ANK2: variants seen among roughly 807,000 people sequenced by gnomAD.
ANK2 encodes the protein ankyrin 2.
In ANK2, 83 loss-of-function variants were observed where a neutral mutation model predicts 360.5. That is an observed-to-expected ratio of 0.23 (90% CI 0.19 to 0.28). ANK2 has a LOEUF of 0.28. Ranked by LOEUF, ANK2 falls within the 10% of genes least tolerant of loss-of-function variation. The pLI is 1.00. For missense variants in ANK2, 4,201 were observed against 4,795.7 expected (o/e 0.88, Z 3.66); for synonymous variants, 1,740 against 1,759.5 (o/e 0.99, Z 0.28).
intron 4 of ANK2, among the ~76,000 whole-genome samples, chr4:113,206,936 A>G (rs1161825377): frequency 6.6e-6 from 1 of 152,154 alleles, no homozygotes; most frequent in African/African-American, 2.4e-5. Context: ...AGGCAGGGGA[A>G]TCATTTGAAC....
At chr4:113,310,414 T>C (rs971951760) in intron 23 of ANK2, among the ~76,000 whole-genome samples, 2 of 151,908 alleles carry the variant, frequency 1.3e-5, no homozygotes, top group Non-Finnish European at 2.9e-5. Context: ...AGAAAGAGTA[T>C]ATAAGCAGAC....
chr4:112,769,964 C>A, the ANK2 span, among the ~76,000 whole-genome samples: 1 of 152,196 alleles, frequency 6.6e-6, no homozygotes, highest in Non-Finnish European at 1.5e-5. Flanking sequence ...GGCTCTCTAG[C>A]TTGCAGATGG....
intron 4 of ANK2, among the ~76,000 whole-genome samples, chr4:113,227,112 C>T (rs2099233386): frequency 6.6e-6 from 1 of 152,140 alleles, no homozygotes. Context: ...TGCTGCCATG[C>T]CTTGTCCTAA....
In ANK2 at chr4:113,354,606, T is replaced by A; in HGVS notation, c.5988T>A (p.Ala1996=). 6.2e-7 allele frequency: 1 copy of A among 1,613,998 alleles called. No homozygotes were observed. The highest frequency in any genetic ancestry group is 8.5e-7 in the Non-Finnish European group (1 of 1,179,962). The stretch of plus-strand genomic sequence containing the variant: ...TGTCTGTTCGGGAGCTGATGAAGGC[T>A]TTCCAGTCAGGTCAGGACCCTTCTA... ...ETMSVRELMK[A]FQSGQDPSKH... The change falls in exon 38 of 46, where the codon GCT becomes GCA. Residue 1996 remains alanine (A), a synonymous_variant. Coordinates refer to ENST00000357077, the MANE Select transcript of ANK2 (RefSeq NM_001148.6).
chr4:113,320,019 G>T (rs1002259605), intron 26 of ANK2, among the ~76,000 whole-genome samples: 1 of 152,146 alleles, frequency 6.6e-6, no homozygotes, highest in Non-Finnish European at 1.5e-5. Flanking sequence ...ACAAGAATCT[G>T]TGCATGCCAA....
the ANK2 span, among the ~76,000 whole-genome samples, chr4:112,735,633 T>TATTA: frequency 6.6e-6 from 1 of 152,214 alleles, no homozygotes; most frequent in Non-Finnish European, 1.5e-5. Context: ...ACCACTGAAG[T>TATTA]ATTACCCTCT....
rs188646137 is a variant in ANK2 at position 112,992,355 on chromosome 4, G to T, written c.21+87841G>T. Reference sequence around the variant, plus strand: ...GATGGTGTTTCACCATGTTGGGCAGGCTAGTCTTGAACTCCTGACCTCAAG... The same window carrying T: ...GATGGTGTTTCACCATGTTGGGCAGTCTAGTCTTGAACTCCTGACCTCAAG... On this transcript the variant is annotated intron_variant, in intron 2 of 30. Coordinates refer to the ANK2 transcript ENST00000503271. 2.0e-5 allele frequency among the ~76,000 whole-genome samples: 3 copies of T among 152,138 alleles called. No individual in the cohort carries two copies. The East Asian group carries it at 5.8e-4, about 29-fold the overall frequency.
chr4:112,793,067 T>C, the ANK2 span, among the ~76,000 whole-genome samples: 1 of 152,180 alleles, frequency 6.6e-6, no homozygotes, highest in African/African-American at 2.4e-5. Context: ...TGTGGTTTAC[T>C]TCAAGGAGAA....
chr4:113,000,733 ACAT>A (rs1487101788), intron 2 of ANK2, among the ~76,000 whole-genome samples: 1 of 152,210 alleles, frequency 6.6e-6, no homozygotes, highest in Non-Finnish European at 1.5e-5. Flanking sequence ...GAGGCCAATC[ACAT>A]CATCCACCAG....
rs1440734789 is a variant in ANK2 at position 113,363,211 on chromosome 4, T to C, written c.10757-127T>C. ...GCATATAAGAGTCACTTCTAATATGTAGAAATTAAGGAACTCAAATACTCA... is the reference window on the plus strand; with the variant it reads ...GCATATAAGAGTCACTTCTAATATGCAGAAATTAAGGAACTCAAATACTCA... On this transcript the variant is annotated intron_variant, in intron 39 of 45. Transcript: ENST00000357077. 3 of 928,758 alleles carry C rather than the reference T, an allele frequency of 3.2e-6. No homozygotes were observed. The African/African-American group carries it at 5.0e-5, about 15-fold the overall frequency. 57.5% of individuals were successfully genotyped at this position (928,758 alleles called of 1,614,324 possible). A position where few individuals can be genotyped will look rare whatever the true frequency, so the allele number is the denominator to read the frequency against.
chr4:112,936,638 C>T (rs754768948), intron 2 of ANK2, among the ~76,000 whole-genome samples: 2 of 152,152 alleles, frequency 1.3e-5, no homozygotes, highest in Non-Finnish European at 2.9e-5. Context: ...GCCACCACGC[C>T]CGGCCAGCAT....
chr4:113,240,857 G>A (rs922095222), intron 8 of ANK2, among the ~76,000 whole-genome samples: 2 of 152,218 alleles, frequency 1.3e-5, no homozygotes, highest in East Asian at 3.9e-4. Flanking sequence ...TATATTTAAC[G>A]ATCATGCCAT....
At chr4:112,711,585 G>A in the ANK2 span, among the ~76,000 whole-genome samples, 3 of 152,070 alleles carry the variant, frequency 2.0e-5, no homozygotes, top group Admixed American at 1.3e-4. Flanking sequence ...GGGAGGCCAA[G>A]GTGTGTGGAT....
Position 112,829,231 on chromosome 4 carries a change from A to G in ANK2, c.-40+10967A>G, listed in dbSNP as rs1579183826. On this transcript the variant is annotated intron_variant, in intron 1 of 30. Coordinates refer to the ANK2 transcript ENST00000503271. ...AATCCAATGTTTGTTTGTTGGTTTTATGTCTAGATAATCTGTCTAATGCTG... is the reference window on the plus strand; with the variant it reads ...AATCCAATGTTTGTTTGTTGGTTTTGTGTCTAGATAATCTGTCTAATGCTG... Among the ~76,000 whole-genome samples, 3 of 152,164 alleles carry G rather than the reference A, an allele frequency of 2.0e-5. No homozygotes were observed. In the East Asian group the frequency reaches 5.8e-4, roughly 29 times the overall value.
the ANK2 span, among the ~76,000 whole-genome samples, chr4:112,754,110 AGTATATATATATAT>A: frequency 3.3e-4 from 21 of 63,476 alleles, 1 homozygote; most frequent in African/African-American, 1.4e-3. Context: ...AAAAAAAAAA[AGTATATATATATAT>A]ATATATATAT....
chr4:113,195,571 A>G (rs895021031), intron 2 of ANK2, among the ~76,000 whole-genome samples: 2 of 152,176 alleles, frequency 1.3e-5, no homozygotes, highest in Non-Finnish European at 2.9e-5. Context: ...ATTATTCAGT[A>G]TCAATATTAG....
At chr4:113,146,885 T>C (rs1173016129) in intron 1 of ANK2, among the ~76,000 whole-genome samples, 2 of 152,120 alleles carry the variant, frequency 1.3e-5, no homozygotes, top group Non-Finnish European at 2.9e-5. Context: ...GCAGAGGCGT[T>C]TGTACTTGTT....
chr4:113,215,791 C>T (rs1412551413), intron 4 of ANK2, among the ~76,000 whole-genome samples: 2 of 151,376 alleles, frequency 1.3e-5, no homozygotes, highest in East Asian at 1.9e-4. Flanking sequence ...AACAGTTAAA[C>T]TAAAAACACA....
chr4:113,346,142 A>C, intron 35 of ANK2, 120 bp downstream of exon 35: 1 of 1,130,178 alleles, frequency 8.8e-7, no homozygotes, highest in South Asian at 1.3e-5. Flanking sequence ...TGACCTAATA[A>C]AATGAATACC....
Sources: gnomAD v4.1 joint callset for allele counts (sites outside exome capture counted in the v4.1 genomes callset) on GRCh38, gnomAD v4.1.1 for gene constraint, MANE v1.5 for transcripts, NCBI Gene and HGNC (gene_info 2026-07-23, HGNC 2026-07-21) for gene names.